The following SPECC1L variants were observed in gnomAD, a reference collection of about 807,000 sequenced individuals.
The protein encoded by SPECC1L is sperm antigen with calponin homology and coiled-coil domains 1 like, also known as cytospin-A.
In SPECC1L, 40 loss-of-function variants were observed where a neutral mutation model predicts 116.8. The ratio of observed to expected loss-of-function variants is 0.34; its 90% CI spans 0.27 to 0.45. The LOEUF (loss-of-function observed/expected upper bound fraction) is 0.45, where lower values mean the gene tolerates loss of function less well. Ranked by LOEUF, SPECC1L falls within the 20% of genes least tolerant of loss-of-function variation. The pLI is 1.00. For synonymous variants in SPECC1L, 504 were observed against 500.6 expected, an observed-to-expected ratio of 1.01 and a Z score of -0.09; for missense variants, 1,110 against 1,373.6, an observed-to-expected ratio of 0.81 and a Z score of 3.03.
intron 9 of SPECC1L, among the ~76,000 whole-genome samples, chr22:24,334,791 C>T (rs1039551800): frequency 6.6e-6 from 1 of 152,218 alleles, no homozygotes; most frequent in Non-Finnish European, 1.5e-5. Flanking sequence ...GCCTGAATCC[C>T]ATGCAGAGAT....
At chr22:24,296,450 CAG>C (rs1380408168) in intron 2 of SPECC1L, among the ~76,000 whole-genome samples, 72 of 152,386 alleles carry the variant, frequency 4.7e-4, no homozygotes, top group African/African-American at 1.4e-3. Context: ...TCTTAGAACA[CAG>C]AGGCAGGATC....
In SPECC1L at chr22:24,339,375, A is replaced by G. The variant is rs370023220; in HGVS notation, c.2652+898A>G. Among the ~76,000 whole-genome samples the G allele has an allele frequency of 8.3e-4, 127 of 152,346 alleles. No individual in the cohort carries two copies. The Middle Eastern group carries it at 0.02, about 24-fold the overall frequency. On this transcript the variant is annotated intron_variant, in intron 10 of 16. Transcript: ENST00000314328. ...GCATGAATTCAGAGAAGCATGATTC[A>G]TGAGGGCTGTTTTGTAACAGGTCCG...
intron 2 of SPECC1L, among the ~76,000 whole-genome samples, chr22:24,298,031 A>C (rs995005255): frequency 2.6e-5 from 4 of 152,240 alleles, no homozygotes; most frequent in Non-Finnish European, 5.9e-5. Context: ...TGGTATGTAT[A>C]CATGGTCCCC....
chr22:24,309,389 G>T (rs550845285), intron 3 of SPECC1L, among the ~76,000 whole-genome samples: 5 of 151,980 alleles, frequency 3.3e-5, no homozygotes, highest in Non-Finnish European at 7.4e-5. Flanking sequence ...GTGAAAAACA[G>T]TTTATCAACT....
chr22:24,328,869 C>G lies in SPECC1L; in HGVS notation c.2170C>G (p.Gln724Glu). Residue 724 changes from glutamine to glutamate, a missense_variant, in exon 7 of 17, where the codon CAA becomes GAA. Coordinates refer to ENST00000314328, the MANE Select transcript of SPECC1L (RefSeq NM_015330.6). ...LENTVKKLQDQKHDMEREIKT... is the reference protein window; with the variant it reads ...LENTVKKLQDEKHDMEREIKT... The stretch of plus-strand genomic sequence containing the variant: ...AGATACAGTTAAAAAACTCCAGGAC[C>G]AAAAGCACGACATGGAAAGAGAAAT... The G allele has an allele frequency of 1.2e-6, 2 of 1,613,568 alleles. No individual in the cohort carries two copies. Among genetic ancestry groups the G allele is most frequent in the Non-Finnish European group, 1.7e-6 (2 of 1,179,656 alleles).
chr22:24,346,881 T>A (rs1245820298), intron 10 of SPECC1L, among the ~76,000 whole-genome samples: 2 of 152,194 alleles, frequency 1.3e-5, no homozygotes, highest in Non-Finnish European at 2.9e-5. Flanking sequence ...CATATGAGTC[T>A]ATAATTACCC....
At chr22:24,301,505 T>G (rs757764047) in intron 2 of SPECC1L, among the ~76,000 whole-genome samples, 2 of 152,186 alleles carry the variant, frequency 1.3e-5, no homozygotes, top group Non-Finnish European at 2.9e-5. Context: ...TCGGAACACT[T>G]AAATTAGTCT....
chr22:24,304,977 A>G (rs1289763606), intron 3 of SPECC1L, among the ~76,000 whole-genome samples: 1 of 152,224 alleles, frequency 6.6e-6, no homozygotes, highest in African/African-American at 2.4e-5. Flanking sequence ...TAGGCTGAAC[A>G]TTTATTCCTT....
chr22:24,413,547 A>G (rs2042742466), intron 16 of SPECC1L, among the ~76,000 whole-genome samples: 1 of 152,188 alleles, frequency 6.6e-6, no homozygotes. Context: ...AGAAGTGTTT[A>G]CGCCCATGTT....
At position 24,371,784 on chromosome 22, in the gene SPECC1L, C is replaced by T. The variant is rs568278684; in HGVS notation, c.3087+2464C>T. On this transcript the variant is annotated intron_variant, in intron 14 of 16. Transcript: ENST00000314328. The stretch of plus-strand genomic sequence containing the variant: ...TCACCCAGGCTGGACTGCAGTGGTG[C>T]GACCTTGGTTCACGGCAGGCTCCGG... Among the ~76,000 whole-genome samples the T allele has an allele frequency of 5.3e-5, 8 of 152,288 alleles. No individual in the cohort carries two copies. The South Asian group carries it at 1.2e-3, about 24-fold the overall frequency.
rs1402536798 is a variant in SPECC1L, at chr22:24,412,633, C to CA, written c.3205-14dup. On this transcript the variant is annotated splice_polypyrimidine_tract_variant and intron_variant, in intron 15 of 16. Coordinates refer to ENST00000314328, the MANE Select transcript of SPECC1L (RefSeq NM_015330.6). ...GCCTTGTTCATGCACTGCAGTGACA[C>CA]AGTTTCTTTTACAGAGAAGGAACTT... The CA allele has an allele frequency of 6.2e-7, 1 of 1,613,876 alleles. No homozygotes were observed. Among genetic ancestry groups the CA allele is most frequent in the African/African-American group, 1.3e-5 (1 of 74,914 alleles).
rs2048706642 is a variant in SPECC1L, at chr22:24,270,854, C to A, written c.-271C>A. 1.3e-5 allele frequency: 2 copies of A among 152,414 alleles called. No homozygotes were observed. Among genetic ancestry groups the A allele is most frequent in the Non-Finnish European group, 2.9e-5 (2 of 68,258 alleles). The allele number at this position is 152,414 out of a possible 1,614,324, so 9.4% of individuals were successfully genotyped here. On this transcript the variant is annotated 5_prime_UTR_variant, in exon 1 of 17. Transcript: ENST00000314328. ...GGGCCCGCGAGGGAGGCCGGGCGGC[C>A]CGGCAAGCGGCGCTGCGGGGTAGGC...
At chr22:24,340,060 C>T (rs957250762) in intron 10 of SPECC1L, among the ~76,000 whole-genome samples, 3 of 150,100 alleles carry the variant, frequency 2.0e-5, no homozygotes, top group Non-Finnish European at 4.4e-5. Context: ...GCTGGGATTA[C>T]AGACATGAGC....
chr22:24,412,616 C>T, intron 15 of SPECC1L, 32 bp from the exon 16 acceptor site: 1 of 1,611,614 alleles, frequency 6.2e-7, no homozygotes, highest in Non-Finnish European at 8.5e-7. Context: ...GTGCCTTGTT[C>T]ATGCACTGCA....
chr22:24,372,991 T>TG (rs2041901136), intron 14 of SPECC1L, among the ~76,000 whole-genome samples: 1 of 152,038 alleles, frequency 6.6e-6, no homozygotes, highest in East Asian at 1.9e-4. Context: ...TCAGACAAAC[T>TG]GAGAGCCAAA....
intron 11 of SPECC1L, among the ~76,000 whole-genome samples, chr22:24,351,471 C>T (rs949934644): frequency 5.3e-5 from 8 of 152,184 alleles, no homozygotes; most frequent in East Asian, 1.9e-4. Flanking sequence ...ATGCATCAAA[C>T]GGTAGTGCCA....
chr22:24,324,895 A>G (rs188886212), intron 6 of SPECC1L, among the ~76,000 whole-genome samples: 2 of 152,300 alleles, frequency 1.3e-5, no homozygotes, highest in East Asian at 3.9e-4. Flanking sequence ...TGTCCATGGT[A>G]ACTGCCTGGC....
intron 14 of SPECC1L, among the ~76,000 whole-genome samples, chr22:24,407,053 T>C (rs1353712513): frequency 6.6e-6 from 1 of 152,188 alleles, no homozygotes; most frequent in Admixed American, 6.5e-5. Flanking sequence ...GCGCTCAAGC[T>C]TCACTTGGGC....
chr22:24,273,195 G>A lies in SPECC1L; in HGVS notation c.-142+2212G>A, dbSNP rs537552611. Among the ~76,000 whole-genome samples, 212 of 152,262 alleles carry A rather than the reference G, an allele frequency of 1.4e-3. 2 individuals are homozygous for A. Among genetic ancestry groups the A allele is most frequent in the African/African-American group, 4.9e-3 (202 of 41,550 alleles). ...AGCAGTGGTTCTCTATAACTGACTT[G>A]ACACACAGTGCATCTGATATTTCGA... On this transcript the variant is annotated intron_variant, in intron 1 of 16. Coordinates refer to ENST00000314328, the MANE Select transcript of SPECC1L (RefSeq NM_015330.6).
Sources: gnomAD v4.1 joint callset for allele counts (sites outside exome capture counted in the v4.1 genomes callset) on GRCh38, gnomAD v4.1.1 for gene constraint, MANE v1.5 for transcripts, NCBI Gene and HGNC (gene_info 2026-07-23, HGNC 2026-07-21) for gene names.